Variants in DCDC2C observed in about 807,000 individuals in gnomAD.
The protein encoded by DCDC2C is doublecortin domain containing 2C.
Under a neutral mutation model 45.0 loss-of-function variants are expected in DCDC2C, and 44 were observed. That is an observed-to-expected ratio of 0.98 (90% CI 0.77 to 1.26). The LOEUF (loss-of-function observed/expected upper bound fraction) is 1.26. DCDC2C is among the 50% of genes most tolerant of loss of function. The pLI, the probability that DCDC2C is intolerant of heterozygous loss-of-function variation, is 0.00. For synonymous variants in DCDC2C, 187 were observed against 178.8 expected (o/e 1.05, Z -0.37); for missense variants, 447 against 468.9 (o/e 0.95, Z 0.43).
chr2:3,795,356 AG>A (rs70938971), intron 10 of DCDC2C, among the ~76,000 whole-genome samples: 129,954 of 129,962 alleles, frequency 1, 64,973 homozygotes, highest in Middle Eastern at 1. Flanking sequence ...GCTGTGCAGA[AG>A]GCTCTTTAGT....
At chr2:3,845,094 T>G (rs1440711724) in intron 10 of DCDC2C, among the ~76,000 whole-genome samples, 2 of 152,222 alleles carry the variant, frequency 1.3e-5, no homozygotes, top group Non-Finnish European at 2.9e-5. Context: ...GCTAAGCGAA[T>G]GGACTCTCAA....
chr2:3,837,620 G>A (rs1672113151), intron 10 of DCDC2C, among the ~76,000 whole-genome samples: 1 of 102,384 alleles, frequency 9.8e-6, no homozygotes, highest in Non-Finnish European at 2.3e-5. Context: ...AAGAAACTGA[G>A]GAAGAAATCA....
chr2:3,814,924 T>C (rs1474444548), intron 10 of DCDC2C, among the ~76,000 whole-genome samples: 1 of 152,252 alleles, frequency 6.6e-6, no homozygotes, highest in Non-Finnish European at 1.5e-5. Context: ...CCTGGGGCTA[T>C]AGAGATGGAT....
At chr2:3,803,966 G>C (rs1428975674) in intron 10 of DCDC2C, among the ~76,000 whole-genome samples, 1 of 152,192 alleles carries the variant, frequency 6.6e-6, no homozygotes, top group African/African-American at 2.4e-5. Context: ...CCCCACCTAA[G>C]TCTGATGTGT....
intron 9 of DCDC2C, among the ~76,000 whole-genome samples, chr2:3,781,222 C>A (rs946245705): frequency 1.3e-5 from 2 of 152,270 alleles, no homozygotes; most frequent in African/African-American, 4.8e-5. Context: ...TTAGCCCTTC[C>A]TGGCCAATAG....
At chr2:3,810,575 A>G (rs907885567) in intron 10 of DCDC2C, among the ~76,000 whole-genome samples, 1 of 150,704 alleles carries the variant, frequency 6.6e-6, no homozygotes, top group Admixed American at 6.6e-5. Context: ...CTGTGCAGAA[A>G]CTCTTCTAAT....
At chr2:3,829,791 T>C (rs1416597301) in intron 10 of DCDC2C, among the ~76,000 whole-genome samples, 2 of 152,190 alleles carry the variant, frequency 1.3e-5, no homozygotes, top group African/African-American at 2.4e-5. Context: ...GGGCCTTCGG[T>C]TCTCTCTCAC....
At chr2:3,779,932 A>G (rs530693552) in intron 9 of DCDC2C, among the ~76,000 whole-genome samples, 1 of 152,302 alleles carries the variant, frequency 6.6e-6, no homozygotes, top group East Asian at 1.9e-4. Flanking sequence ...TGGAAGGGAT[A>G]TGGGTCCTCA....
At chr2:3,739,517 A>G (rs917384914) in intron 3 of DCDC2C, among the ~76,000 whole-genome samples, 3 of 152,234 alleles carry the variant, frequency 2.0e-5, no homozygotes. Context: ...GAACGTCAAG[A>G]GGAACGCACC....
intron 10 of DCDC2C, among the ~76,000 whole-genome samples, chr2:3,791,440 T>C (rs1670808957): frequency 6.6e-6 from 1 of 152,196 alleles, no homozygotes; most frequent in South Asian, 2.1e-4. Context: ...TTTTGTTGTA[T>C]TCACGACAAT....
chr2:3,800,668 T>C (rs1420799690), intron 10 of DCDC2C, among the ~76,000 whole-genome samples: 1 of 124,434 alleles, frequency 8.0e-6, no homozygotes, highest in African/African-American at 2.5e-5. Flanking sequence ...TCATGAGTTC[T>C]TCTCATTTCC....
intron 10 of DCDC2C, among the ~76,000 whole-genome samples, chr2:3,793,012 C>T (rs1453390488): frequency 1.3e-5 from 2 of 152,188 alleles, no homozygotes; most frequent in African/African-American, 2.4e-5. Context: ...GAGATTCCAT[C>T]CATAAGGTCG....
chr2:3,735,828 A>C (rs1434888126), intron 3 of DCDC2C, among the ~76,000 whole-genome samples: 1 of 145,420 alleles, frequency 6.9e-6, no homozygotes, highest in Non-Finnish European at 1.5e-5. Context: ...TTTTTTTTTT[A>C]TAGATCTCAG....
chr2:3,835,481 A>G (rs1672051377), intron 10 of DCDC2C, among the ~76,000 whole-genome samples: 2 of 152,234 alleles, frequency 1.3e-5, no homozygotes, highest in South Asian at 2.1e-4. Flanking sequence ...GACATCCTGG[A>G]GGAAGTGTTC....
At chr2:3,794,198 T>A (rs962364295) in intron 10 of DCDC2C, among the ~76,000 whole-genome samples, 6 of 152,210 alleles carry the variant, frequency 3.9e-5, no homozygotes, top group Admixed American at 3.9e-4. Context: ...TATGCAAATG[T>A]TCAATGAGTT....
At chr2:3,712,851 T>C (rs1319487184) in intron 2 of DCDC2C, among the ~76,000 whole-genome samples, 2 of 152,170 alleles carry the variant, frequency 1.3e-5, no homozygotes, top group Non-Finnish European at 2.9e-5. Flanking sequence ...GAATGCTTCA[T>C]CATCGTGTTC....
At position 3,767,941 on chromosome 2, in the gene DCDC2C, G is replaced by A; in HGVS notation, c.853+61G>A. ...AAACTTTACCAGGCTGAGAACATGGGATTTTTTTTTTTTCAGAGAAATCTT... is the reference window on the plus strand; with the variant it reads ...AAACTTTACCAGGCTGAGAACATGGAATTTTTTTTTTTTCAGAGAAATCTT... On this transcript the variant is annotated intron_variant, in intron 7 of 10. Coordinates refer to ENST00000399143, the MANE Select transcript of DCDC2C (RefSeq NM_001287444.2). 3.9e-6 allele frequency: 5 copies of A among 1,291,034 alleles called. No individual in the cohort carries two copies. In the South Asian group the frequency reaches 5.9e-5, roughly 15 times the overall value. The allele number at this position is 1,291,034 out of a possible 1,614,324, so 80.0% of individuals were successfully genotyped here.
chr2:3,725,059 T>C (rs946191714), intron 2 of DCDC2C, among the ~76,000 whole-genome samples: 1 of 152,084 alleles, frequency 6.6e-6, no homozygotes, highest in African/African-American at 2.4e-5. Flanking sequence ...GGAGGCCCTA[T>C]TGACAGGTTC....
rs1672359434 is a variant in DCDC2C, at chr2:3,847,341, A to G, written c.*158A>G. 1 of 412,094 alleles carries G rather than the reference A, an allele frequency of 2.4e-6. No homozygotes were observed. The highest frequency in any genetic ancestry group is 4.4e-5 in the Admixed American group (1 of 22,518). 25.5% of individuals were successfully genotyped at this position (412,094 alleles called of 1,614,324 possible). ...CGAAAGCCAAAGACGAGGTTTCATA[A>G]TTGAGCTCCATTTCTTCTTATTCCC... On this transcript the variant is annotated 3_prime_UTR_variant, in exon 11 of 11. Transcript: ENST00000399143.
Sources: allele counts gnomAD v4.1 joint callset (sites outside exome capture counted in the v4.1 genomes callset), GRCh38; gene constraint gnomAD v4.1.1; transcripts MANE v1.5; gene names NCBI Gene and HGNC (gene_info 2026-07-23, HGNC 2026-07-21).